The following DOK6 variants were observed in gnomAD, a reference collection of about 807,000 sequenced individuals.
DOK6 encodes the protein docking protein 6, also known as downstream of tyrosine kinase 6.
In DOK6, 22 loss-of-function variants were observed where a neutral mutation model predicts 44.0. That is an observed-to-expected ratio of 0.50 (90% CI 0.36 to 0.71). The LOEUF (loss-of-function observed/expected upper bound fraction) is 0.71. DOK6 is among the 30% of genes least tolerant of loss of function. DOK6 has a pLI of 0.00. For missense variants in DOK6, 340 were observed against 416.4 expected (o/e 0.82, Z 1.60); for synonymous variants, 166 against 145.5 (o/e 1.14, Z -1.01).
chr18:69,489,612 G>A (rs541017447), intron 1 of DOK6, among the ~76,000 whole-genome samples: 1 of 152,204 alleles, frequency 6.6e-6, no homozygotes, highest in Admixed American at 6.5e-5. Context: ...ATTCACATTG[G>A]CATTACTATT....
intron 3 of DOK6, among the ~76,000 whole-genome samples, chr18:69,663,975 T>A (rs7239760): frequency 6.6e-6 from 1 of 152,050 alleles, no homozygotes; most frequent in Admixed American, 6.5e-5. Context: ...ATTTATCTCA[T>A]TTCATAAGCC....
intron 3 of DOK6, among the ~76,000 whole-genome samples, chr18:69,649,521 A>G (rs546174679): frequency 1.3e-5 from 2 of 152,288 alleles, no homozygotes; most frequent in East Asian, 3.9e-4. Flanking sequence ...TATCAGCCTC[A>G]ATAGATGTTC....
chr18:69,586,516 G>A (rs1281568759), intron 2 of DOK6, among the ~76,000 whole-genome samples: 1 of 152,194 alleles, frequency 6.6e-6, no homozygotes, highest in African/African-American at 2.4e-5. Flanking sequence ...AAAGAACAGA[G>A]CAAGCCATTC....
intron 1 of DOK6, among the ~76,000 whole-genome samples, chr18:69,509,466 T>A (rs1387384835): frequency 6.6e-6 from 1 of 151,690 alleles, no homozygotes; most frequent in Non-Finnish European, 1.5e-5. Context: ...TGAAACCCCG[T>A]CTCTACTAAA....
At chr18:69,414,217 C>T (rs1245505309) in intron 1 of DOK6, among the ~76,000 whole-genome samples, 1 of 151,986 alleles carries the variant, frequency 6.6e-6, no homozygotes, top group East Asian at 1.9e-4. Flanking sequence ...AAAATGAGAC[C>T]TGGCAATTGC....
intron 5 of DOK6, among the ~76,000 whole-genome samples, chr18:69,701,042 A>G (rs55803638): frequency 4.7e-3 from 718 of 152,370 alleles, no homozygotes; most frequent in African/African-American, 0.016. Flanking sequence ...ATATGTCAAA[A>G]TACTTTTTTC....
chr18:69,653,061 T>A (rs149348686), intron 3 of DOK6, among the ~76,000 whole-genome samples: 1 of 152,014 alleles, frequency 6.6e-6, no homozygotes, highest in Non-Finnish European at 1.5e-5. Flanking sequence ...CATGGGTAAA[T>A]AGTGGATATT....
intron 7 of DOK6, among the ~76,000 whole-genome samples, chr18:69,783,782 A>G (rs889832424): frequency 1.3e-5 from 2 of 152,310 alleles, no homozygotes; most frequent in South Asian, 2.1e-4. Flanking sequence ...TTTCTTTAAA[A>G]TTCTTATAAT....
chr18:69,655,892 CCATACATCCAA>C lies in DOK6; in HGVS notation c.290-21837_290-21827del, dbSNP rs1358055897. Among the ~76,000 whole-genome samples the C allele has an allele frequency of 1.2e-4, 18 of 149,378 alleles. No individual in the cohort carries two copies. The East Asian group carries it at 3.5e-3, about 29-fold the overall frequency. ...AGATATGAAAGAGTAAGAATGTCCA[CCATACATCCAA>C]CATATGTCTGACAGGATTTGCAATG... On this transcript the variant is annotated intron_variant, in intron 3 of 7. Coordinates refer to ENST00000382713, the MANE Select transcript of DOK6 (RefSeq NM_152721.6).
At chr18:69,598,545 A>C (rs970956428) in intron 2 of DOK6, among the ~76,000 whole-genome samples, 26 of 152,272 alleles carry the variant, frequency 1.7e-4, no homozygotes, top group South Asian at 6.2e-4. Flanking sequence ...TAGAAATAAG[A>C]AATCTTATAA....
intron 3 of DOK6, among the ~76,000 whole-genome samples, chr18:69,619,003 A>C (rs573272274): frequency 4.6e-5 from 7 of 152,388 alleles, no homozygotes; most frequent in Non-Finnish European, 8.8e-5. Context: ...CCTAAAAACA[A>C]GTCCTAAGTA....
intron 7 of DOK6, among the ~76,000 whole-genome samples, chr18:69,802,143 G>A (rs1247589519): frequency 6.6e-6 from 1 of 152,068 alleles, no homozygotes; most frequent in African/African-American, 2.4e-5. Context: ...ATGAATATAT[G>A]TTTAACGGTG....
chr18:69,748,169 G>C (rs1267516778), intron 6 of DOK6, among the ~76,000 whole-genome samples: 2 of 151,786 alleles, frequency 1.3e-5, no homozygotes, highest in African/African-American at 4.8e-5. Flanking sequence ...AATGGTAAAG[G>C]GGTCAATTTA....
intron 5 of DOK6, among the ~76,000 whole-genome samples, chr18:69,707,816 C>G (rs1986666919): frequency 6.6e-6 from 1 of 152,148 alleles, no homozygotes; most frequent in Non-Finnish European, 1.5e-5. Flanking sequence ...ATTTGGAGAA[C>G]AGTCCTATCT....
intron 7 of DOK6, among the ~76,000 whole-genome samples, chr18:69,762,174 C>CATAG (rs1979581411): frequency 1.3e-5 from 2 of 151,896 alleles, no homozygotes; most frequent in Non-Finnish European, 2.9e-5. Flanking sequence ...TACATACATA[C>CATAG]ATACATACAT....
intron 1 of DOK6, among the ~76,000 whole-genome samples, chr18:69,490,395 A>C (rs2144539077): frequency 6.6e-6 from 1 of 152,332 alleles, no homozygotes; most frequent in East Asian, 1.9e-4. Flanking sequence ...GATACTCAAA[A>C]TTTAGAAAGA....
intron 1 of DOK6, 47 bp downstream of exon 1, chr18:69,401,357 CGGCTGGCTGCCTGGGGG>C (rs748407106): frequency 7.0e-7 from 1 of 1,421,300 alleles, no homozygotes; most frequent in Non-Finnish European, 9.2e-7. Context: ...TCGTTCGGCC[CGGCTGGCTGCCTGGGGG>C]GGGGGCAGGG....
intron 7 of DOK6, among the ~76,000 whole-genome samples, chr18:69,795,861 T>C (rs1980729099): frequency 6.6e-6 from 1 of 152,218 alleles, no homozygotes; most frequent in African/African-American, 2.4e-5. Context: ...ACTCTATGTG[T>C]CTGTTCAGGT....
intron 7 of DOK6, among the ~76,000 whole-genome samples, chr18:69,767,660 C>A (rs1014472948): frequency 5.3e-5 from 8 of 152,180 alleles, no homozygotes; most frequent in Non-Finnish European, 1.2e-4. Context: ...TTTCAGAGAC[C>A]TTTCTTCCTC....
Sources: allele counts gnomAD v4.1 joint callset (sites outside exome capture counted in the v4.1 genomes callset), GRCh38; gene constraint gnomAD v4.1.1; transcripts MANE v1.5; gene names NCBI Gene and HGNC (gene_info 2026-07-23, HGNC 2026-07-21).